The following GNAL variants were observed in gnomAD, a reference collection of about 807,000 sequenced individuals.
GNAL encodes guanine nucleotide-binding protein G(olf) subunit alpha.
Under a neutral mutation model 55.1 loss-of-function variants are expected in GNAL, and 18 were observed. That is an observed-to-expected ratio of 0.33 (90% confidence interval 0.23 to 0.48). The LOEUF (loss-of-function observed/expected upper bound fraction) is 0.48, where lower values mean the gene tolerates loss of function less well. Among genes scored for constraint, GNAL ranks in the 20% least tolerant of loss-of-function variants. The pLI, the probability that GNAL is intolerant of heterozygous loss-of-function variation, is 0.99. For missense variants in GNAL, 412 were observed against 614.1 expected, an observed-to-expected ratio of 0.67 and a Z score of 3.48; for synonymous variants, 253 against 237.0, an observed-to-expected ratio of 1.07 and a Z score of -0.62.
chr18:11,822,277 C>T (rs1250072896), intron 4 of GNAL, among the ~76,000 whole-genome samples: 3 of 151,954 alleles, frequency 2.0e-5, no homozygotes, highest in African/African-American at 7.3e-5. Flanking sequence ...CCCTTCCCAT[C>T]CCCCCCACCG....
At chr18:11,820,096 A>C (rs2143621773) in intron 4 of GNAL, among the ~76,000 whole-genome samples, 1 of 152,256 alleles carries the variant, frequency 6.6e-6, no homozygotes, top group Admixed American at 6.5e-5. Context: ...TATTTTAGTA[A>C]GGTTTGCTTA....
chr18:11,825,387 TGATCAA>T (rs1210874995), intron 5 of GNAL, among the ~76,000 whole-genome samples: 2 of 152,134 alleles, frequency 1.3e-5, no homozygotes, highest in Non-Finnish European at 2.9e-5. Context: ...ACGAACCTTG[TGATCAA>T]GGTCAGGCTC....
In GNAL at chr18:11,865,766, A is replaced by C. The variant is rs576756093; in HGVS notation, c.851+1160A>C. On this transcript the variant is annotated intron_variant, in intron 7 of 11. Coordinates refer to ENST00000334049, the MANE Select transcript of GNAL (RefSeq NM_182978.4). ...TAAGACCCTGTCTCTAAAAAAAAAA[A>C]AAAAAAAAAAGCATCCAAGCATCCC... 1.8e-3 allele frequency among the ~76,000 whole-genome samples: 266 copies of C among 147,478 alleles called. 13 individuals are homozygous for C. The highest frequency in any genetic ancestry group is 0.016 in the Admixed American group (243 of 15,050).
chr18:11,862,493 G>C, intron 6 of GNAL, 44 bp downstream of exon 6: 1 of 1,348,254 alleles, frequency 7.4e-7, no homozygotes, highest in East Asian at 2.3e-5. Flanking sequence ...GAAACTTTGA[G>C]ATTCATTTCC....
intron 5 of GNAL, chr18:11,857,726 A>G: frequency 6.1e-6 from 6 of 985,384 alleles, no homozygotes; most frequent in Non-Finnish European, 7.2e-6. Flanking sequence ...AACCCCTTTT[A>G]AGGAGCAGGG....
At chr18:11,715,392 C>T (rs1355218296) in intron 1 of GNAL, among the ~76,000 whole-genome samples, 2 of 144,152 alleles carry the variant, frequency 1.4e-5, no homozygotes, top group African/African-American at 2.6e-5. Context: ...ACCCGGGAGG[C>T]AGAGCTTGCA....
Position 11,786,436 on chromosome 18 carries a change from C to CTTTTTTT in GNAL, c.624+32515_624+32521dup, listed in dbSNP as rs66803403. 1.0e-2 allele frequency among the ~76,000 whole-genome samples: 604 copies of CTTTTTTT among 60,694 alleles called. 71 individuals are homozygous for CTTTTTTT. Among genetic ancestry groups the CTTTTTTT allele is most frequent in the Middle Eastern group, 0.017 (1 of 60 alleles). The allele number at this position is 60,694 out of a possible 152,430, so 39.8% of individuals were successfully genotyped here. A position where few individuals can be genotyped will look rare whatever the true frequency, so the allele number is the denominator to read the frequency against. On this transcript the variant is annotated intron_variant, in intron 4 of 11. Coordinates refer to ENST00000334049, the MANE Select transcript of GNAL (RefSeq NM_182978.4). ...GGTGGGATAGATCTTCATACGTTTT[C>CTTTTTTT]TTTTTTTTTTTTTTTTTTTTTTTTT...
chr18:11,768,942 A>T (rs1208538063), intron 4 of GNAL, among the ~76,000 whole-genome samples: 1 of 129,376 alleles, frequency 7.7e-6, no homozygotes, highest in Non-Finnish European at 1.6e-5. Context: ...TATATTATAT[A>T]TATTACTATA....
At chr18:11,779,698 G>C (rs1159699246) in intron 4 of GNAL, among the ~76,000 whole-genome samples, 2 of 152,152 alleles carry the variant, frequency 1.3e-5, no homozygotes, top group Non-Finnish European at 2.9e-5. Context: ...AGAATTTCCT[G>C]AACACCTCCC....
chr18:11,756,983 C>G lies in GNAL; in HGVS notation c.624+3038C>G, dbSNP rs190871402. 1.1e-3 allele frequency among the ~76,000 whole-genome samples: 169 copies of G among 152,220 alleles called. 1 individual carries two copies. Among genetic ancestry groups the G allele is most frequent in the African/African-American group, 3.9e-3 (164 of 41,524 alleles). On this transcript the variant is annotated intron_variant, in intron 4 of 11. Transcript: ENST00000334049. The stretch of plus-strand genomic sequence containing the variant: ...TAATTTTCCTGTAGGGGTAAGATAA[C>G]TTTTGAAACAAATACATTATATTAA...
At chr18:11,824,279 G>C (rs2035183722) in intron 4 of GNAL, among the ~76,000 whole-genome samples, 1 of 150,232 alleles carries the variant, frequency 6.7e-6, no homozygotes, top group South Asian at 2.1e-4. Context: ...GGGGTTCAAT[G>C]AGTTAAGTTA....
chr18:11,729,280 T>C (rs181779329), intron 1 of GNAL, among the ~76,000 whole-genome samples: 11 of 152,270 alleles, frequency 7.2e-5, no homozygotes, highest in Non-Finnish European at 1.5e-4. Flanking sequence ...AGCAGTGGTC[T>C]TAGCGCTCCT....
At chr18:11,807,363 G>GA in intron 4 of GNAL, among the ~76,000 whole-genome samples, 1 of 152,308 alleles carries the variant, frequency 6.6e-6, no homozygotes, top group Middle Eastern at 3.4e-3. Flanking sequence ...GACCAGATAG[G>GA]AGGCTGTGGC....
chr18:11,796,506 G>A (rs1186533131), intron 4 of GNAL, among the ~76,000 whole-genome samples: 4 of 149,096 alleles, frequency 2.7e-5, no homozygotes, highest in Non-Finnish European at 5.9e-5. Flanking sequence ...CCCGGGAGGC[G>A]GAGCTTGCAG....
intron 4 of GNAL, among the ~76,000 whole-genome samples, chr18:11,756,412 C>T (rs1037846977): frequency 1.3e-5 from 2 of 152,108 alleles, no homozygotes; most frequent in African/African-American, 4.8e-5. Context: ...TTACAGTGCT[C>T]TTTCAGAGGT....
intron 11 of GNAL, among the ~76,000 whole-genome samples, chr18:11,880,010 G>A (rs1484913782): frequency 6.6e-6 from 1 of 151,494 alleles, no homozygotes; most frequent in Non-Finnish European, 1.5e-5. Flanking sequence ...TGTAATCCCA[G>A]CACTTTGGGA....
At chr18:11,815,717 A>C (rs1203269626) in intron 4 of GNAL, among the ~76,000 whole-genome samples, 1 of 152,238 alleles carries the variant, frequency 6.6e-6, no homozygotes, top group African/African-American at 2.4e-5. Flanking sequence ...TCATCAAAAA[A>C]TACTTAAGAA....
chr18:11,848,086 T>G (rs1406856976), intron 5 of GNAL, among the ~76,000 whole-genome samples: 1 of 152,116 alleles, frequency 6.6e-6, no homozygotes, highest in Non-Finnish European at 1.5e-5. Context: ...GAGTTGCCAA[T>G]CAGTCTTGGG....
chr18:11,875,325 C>A lies in GNAL; in HGVS notation c.1163-1296C>A, dbSNP rs899837851. Reference sequence around the variant, plus strand: ...AGGCAGGTCAGTAGGATTTCTCCCCCACCCCAGCCTGTCTTGCTTGCGCTG... The same window carrying A: ...AGGCAGGTCAGTAGGATTTCTCCCCAACCCCAGCCTGTCTTGCTTGCGCTG... On this transcript the variant is annotated intron_variant, in intron 10 of 11. Transcript: ENST00000334049. Among the ~76,000 whole-genome samples, 3 of 152,190 alleles carry A rather than the reference C, an allele frequency of 2.0e-5. No individual in the cohort carries two copies. In the East Asian group the frequency reaches 5.8e-4, roughly 29 times the overall value.
Sources: gnomAD v4.1 joint callset for allele counts (sites outside exome capture counted in the v4.1 genomes callset) on GRCh38, gnomAD v4.1.1 for gene constraint, MANE v1.5 for transcripts, NCBI Gene and HGNC (gene_info 2026-07-23, HGNC 2026-07-21) for gene names.